Variants in MAPK10 observed in about 807,000 individuals in gnomAD.
The protein encoded by MAPK10 is mitogen-activated protein kinase 10.
Under a neutral mutation model 59.3 loss-of-function variants are expected in MAPK10, and 25 were observed. The observed-to-expected ratio is 0.42, with a 90% CI of 0.31 to 0.59. The LOEUF is 0.59. Among genes scored for constraint, MAPK10 ranks in the 20% least tolerant of loss-of-function variants. The pLI is 0.15. For missense variants in MAPK10, 351 were observed against 568.9 expected (o/e 0.62, Z 3.90); for synonymous variants, 190 against 200.5 (o/e 0.95, Z 0.44).
chr4:86,317,807 C>G (rs1329207597), intron 2 of MAPK10, among the ~76,000 whole-genome samples: 1 of 152,178 alleles, frequency 6.6e-6, no homozygotes, highest in Non-Finnish European at 1.5e-5. Flanking sequence ...ATGCTGCAAG[C>G]TTAGTGTGAA....
intron 13 of MAPK10, among the ~76,000 whole-genome samples, chr4:86,021,137 G>A (rs1746511138): frequency 6.6e-6 from 1 of 152,218 alleles, no homozygotes; most frequent in South Asian, 2.1e-4. Context: ...GCTAGATACA[G>A]AGTGTGGATT....
chr4:86,474,934 C>T (rs981787119), intron 1 of MAPK10, among the ~76,000 whole-genome samples: 24 of 152,128 alleles, frequency 1.6e-4, no homozygotes, highest in Admixed American at 9.2e-4. Flanking sequence ...TGAAAATGGC[C>T]GGTCCTTGCC....
intron 2 of MAPK10, among the ~76,000 whole-genome samples, chr4:86,248,682 T>C (rs1430123993): frequency 6.6e-6 from 1 of 152,174 alleles, no homozygotes; most frequent in Non-Finnish European, 1.5e-5. Context: ...CCACCTAAAC[T>C]GAGAATCGGG....
At chr4:86,274,771 T>C (rs1363700872) in intron 2 of MAPK10, among the ~76,000 whole-genome samples, 7 of 151,936 alleles carry the variant, frequency 4.6e-5, no homozygotes, top group African/African-American at 1.7e-4. Context: ...TACACACATA[T>C]CACCTCTCTT....
chr4:86,544,410 G>C (rs1372558387), intron 1 of MAPK10, among the ~76,000 whole-genome samples: 2 of 152,216 alleles, frequency 1.3e-5, no homozygotes, highest in Admixed American at 6.5e-5. Flanking sequence ...ATATATTGTA[G>C]TTACTGCCTA....
chr4:86,413,371 C>A (rs539535887), intron 1 of MAPK10, among the ~76,000 whole-genome samples: 2 of 152,196 alleles, frequency 1.3e-5, no homozygotes, highest in African/African-American at 4.8e-5. Context: ...GCCAGGGACC[C>A]GCTTGAGGAG....
At chr4:86,371,852 C>A (rs1041698963) in intron 1 of MAPK10, among the ~76,000 whole-genome samples, 15 of 152,218 alleles carry the variant, frequency 9.9e-5, no homozygotes, top group African/African-American at 3.1e-4. Flanking sequence ...ACGGTGCATT[C>A]CAGCACAGAT....
intron 12 of MAPK10, among the ~76,000 whole-genome samples, chr4:86,030,609 A>G (rs985819722): frequency 2.0e-5 from 3 of 152,188 alleles, no homozygotes; most frequent in Non-Finnish European, 2.9e-5. Flanking sequence ...CTGGGATTAC[A>G]GGTGTGAGTC....
upstream of MAPK10, among the ~76,000 whole-genome samples, chr4:86,361,831 A>C (rs1476749151): frequency 2.0e-5 from 3 of 152,174 alleles, no homozygotes; most frequent in East Asian, 5.8e-4. Context: ...AATTTTAAAA[A>C]GGACAAACTT....
chr4:86,484,779 C>T (rs1381355164), intron 1 of MAPK10, among the ~76,000 whole-genome samples: 1 of 152,114 alleles, frequency 6.6e-6, no homozygotes, highest in East Asian at 1.9e-4. Context: ...AATTAAGTTA[C>T]TTGCAGAAAG....
At chr4:86,365,468 A>AAAAAAAAAAAAAAAAC (rs1737708171) in intron 1 of MAPK10, among the ~76,000 whole-genome samples, 1 of 141,930 alleles carries the variant, frequency 7.0e-6, no homozygotes, top group Non-Finnish European at 1.5e-5. Context: ...AAAAAAAAAA[A>AAAAAAAAAAAAAAAAC]TTCTCACCTT....
At chr4:86,429,189 T>G (rs1227825677) in intron 1 of MAPK10, among the ~76,000 whole-genome samples, 3 of 152,166 alleles carry the variant, frequency 2.0e-5, no homozygotes, top group Non-Finnish European at 4.4e-5. Context: ...CTATGTAAAT[T>G]TAGGTTTCCA....
At chr4:86,536,589 T>C (rs1422868119) in intron 1 of MAPK10, among the ~76,000 whole-genome samples, 1 of 152,252 alleles carries the variant, frequency 6.6e-6, no homozygotes, top group East Asian at 1.9e-4. Flanking sequence ...TAGTTGTAGA[T>C]ACATAATCTC....
At chr4:86,290,246 G>A (rs2095177450) in intron 2 of MAPK10, among the ~76,000 whole-genome samples, 1 of 152,168 alleles carries the variant, frequency 6.6e-6, no homozygotes, top group Admixed American at 6.6e-5. Flanking sequence ...GAGGAAAGCT[G>A]GAAAGTGGCC....
intron 1 of MAPK10, among the ~76,000 whole-genome samples, chr4:86,493,763 C>G (rs2149076214): frequency 6.6e-6 from 1 of 152,230 alleles, no homozygotes; most frequent in South Asian, 2.1e-4. Context: ...TATCAGCATC[C>G]CTGCTTGCCT....
At chr4:86,446,228 C>CA (rs1750020529) in intron 1 of MAPK10, among the ~76,000 whole-genome samples, 2 of 152,064 alleles carry the variant, frequency 1.3e-5, no homozygotes, top group Non-Finnish European at 2.9e-5. Flanking sequence ...TTTGGATTAG[C>CA]TGTAAATGGA....
intron 1 of MAPK10, among the ~76,000 whole-genome samples, chr4:86,374,829 G>A (rs1739518898): frequency 6.6e-6 from 1 of 152,166 alleles, no homozygotes; most frequent in African/African-American, 2.4e-5. Context: ...AAGGAATATT[G>A]GTAGTAGTCT....
intron 1 of MAPK10, among the ~76,000 whole-genome samples, chr4:86,384,906 T>C (rs762403058): frequency 6.6e-6 from 1 of 152,090 alleles, no homozygotes; most frequent in African/African-American, 2.4e-5. Flanking sequence ...AAAACAGATA[T>C]AGTACATCTA....
At chr4:86,235,554 G>A (rs1469254154) in intron 2 of MAPK10, among the ~76,000 whole-genome samples, 1 of 152,136 alleles carries the variant, frequency 6.6e-6, no homozygotes, top group Non-Finnish European at 1.5e-5. Context: ...TCTGTTCTGT[G>A]ATAATTGACA....
Sources: gnomAD v4.1 joint callset for allele counts (sites outside exome capture counted in the v4.1 genomes callset) on GRCh38, gnomAD v4.1.1 for gene constraint, MANE v1.5 for transcripts, NCBI Gene and HGNC (gene_info 2026-07-23, HGNC 2026-07-21) for gene names.